Variants in GALNT13 observed in about 807,000 individuals in gnomAD.
The protein encoded by GALNT13 is polypeptide N-acetylgalactosaminyltransferase 13.
Under a neutral mutation model 64.2 loss-of-function variants are expected in GALNT13, and 28 were observed. The observed-to-expected ratio is 0.44, with a 90% CI of 0.32 to 0.60. The LOEUF (loss-of-function observed/expected upper bound fraction) is 0.60. Ranked by LOEUF, GALNT13 falls within the 20% of genes least tolerant of loss-of-function variation. The pLI is 0.05. For missense variants in GALNT13, 577 were observed against 669.8 expected, an observed-to-expected ratio of 0.86 and a Z score of 1.53; for synonymous variants, 214 against 224.6, an observed-to-expected ratio of 0.95 and a Z score of 0.42.
At chr2:153,966,522 C>T (rs554302845) in intron 3 of GALNT13, among the ~76,000 whole-genome samples, 267 of 151,964 alleles carry the variant, frequency 1.8e-3, no homozygotes, top group Non-Finnish European at 2.9e-3. Flanking sequence ...CCCGCCAAAA[C>T]GCCTGGCTAA....
chr2:154,413,296 T>C (rs1699872251), intron 11 of GALNT13, among the ~76,000 whole-genome samples: 2 of 152,002 alleles, frequency 1.3e-5, no homozygotes, highest in African/African-American at 2.4e-5. Context: ...GAAGTCCGAT[T>C]AGTCACCAAA....
intron 12 of GALNT13, chr2:154,445,849 G>C (rs1430615511): frequency 7.0e-6 from 9 of 1,287,982 alleles, no homozygotes; most frequent in Non-Finnish European, 9.1e-6. Context: ...CAAGATGTAG[G>C]TGGCCATAGT....
the GALNT13 span, among the ~76,000 whole-genome samples, chr2:153,675,733 G>A: frequency 2.1e-4 from 32 of 152,064 alleles, no homozygotes; most frequent in East Asian, 7.7e-4. Flanking sequence ...TTAAAATTAC[G>A]TGGAAATTAA....
At chr2:154,133,183 A>C (rs1682725298) in intron 3 of GALNT13, among the ~76,000 whole-genome samples, 1 of 152,152 alleles carries the variant, frequency 6.6e-6, no homozygotes, top group African/African-American at 2.4e-5. Flanking sequence ...TACAGCAAAT[A>C]GCTGACAATA....
chr2:153,726,283 GT>G, the GALNT13 span, among the ~76,000 whole-genome samples: 1 of 152,092 alleles, frequency 6.6e-6, no homozygotes, highest in Non-Finnish European at 1.5e-5. Flanking sequence ...TGACTGAAAT[GT>G]TAAGTCAACG....
At chr2:153,951,478 G>C (rs1409740949) in intron 3 of GALNT13, among the ~76,000 whole-genome samples, 1 of 152,114 alleles carries the variant, frequency 6.6e-6, no homozygotes, top group Non-Finnish European at 1.5e-5. Context: ...GGTGTAAGAG[G>C]AGTAGGTAAA....
At chr2:153,128,455 T>C in the GALNT13 span, among the ~76,000 whole-genome samples, 1 of 151,852 alleles carries the variant, frequency 6.6e-6, no homozygotes, top group Non-Finnish European at 1.5e-5. Context: ...CATGATTCAA[T>C]TATTTCCCAT....
chr2:154,139,349 AT>A (rs67860806), intron 3 of GALNT13, among the ~76,000 whole-genome samples: 7,645 of 151,506 alleles, frequency 0.05, 379 homozygotes, highest in African/African-American at 0.13. Flanking sequence ...TATAGTCCTT[AT>A]TTTTTTTCAG....
the GALNT13 span, among the ~76,000 whole-genome samples, chr2:153,684,829 A>G: frequency 2.6e-3 from 390 of 151,508 alleles, 1 homozygote; most frequent in Non-Finnish European, 4.2e-3. Flanking sequence ...AAAAGGCCCC[A>G]TTGTGTGTTG....
At chr2:153,678,175 A>ATATC in the GALNT13 span, among the ~76,000 whole-genome samples, 19 of 149,750 alleles carry the variant, frequency 1.3e-4, no homozygotes, top group Non-Finnish European at 2.2e-4. Context: ...ATATATATAT[A>ATATC]TCCAATATAT....
At chr2:153,803,128 C>T in the GALNT13 span, among the ~76,000 whole-genome samples, 2 of 152,170 alleles carry the variant, frequency 1.3e-5, no homozygotes, top group African/African-American at 4.8e-5. Flanking sequence ...CACTGGTAAG[C>T]TCAGTGTTCC....
At chr2:153,890,139 T>C (rs943335468) in intron 1 of GALNT13, among the ~76,000 whole-genome samples, 1 of 151,960 alleles carries the variant, frequency 6.6e-6, no homozygotes, top group Non-Finnish European at 1.5e-5. Context: ...AAGGATGTCT[T>C]TGTAACATAA....
the GALNT13 span, among the ~76,000 whole-genome samples, chr2:153,640,794 A>G: frequency 6.6e-6 from 1 of 152,134 alleles, no homozygotes. Flanking sequence ...AAAGTTTGTC[A>G]GGTGGGAAGT....
At chr2:153,635,837 G>A in the GALNT13 span, among the ~76,000 whole-genome samples, 15 of 152,080 alleles carry the variant, frequency 9.9e-5, no homozygotes, top group African/African-American at 3.6e-4. Flanking sequence ...TTTCTTTCTA[G>A]TATCATGTTT....
At chr2:154,066,517 C>T (rs946547189) in intron 3 of GALNT13, among the ~76,000 whole-genome samples, 2 of 151,902 alleles carry the variant, frequency 1.3e-5, no homozygotes, top group Non-Finnish European at 2.9e-5. Flanking sequence ...CAATGGAGTT[C>T]CAAGTCTGGC....
At chr2:153,537,544 C>G in the GALNT13 span, among the ~76,000 whole-genome samples, 1 of 152,108 alleles carries the variant, frequency 6.6e-6, no homozygotes, top group Admixed American at 6.5e-5. Context: ...CAAATTAAGG[C>G]CTCTGAAGCA....
chr2:153,888,974 A>G (rs957363479), intron 1 of GALNT13, among the ~76,000 whole-genome samples: 2 of 152,032 alleles, frequency 1.3e-5, no homozygotes, highest in Non-Finnish European at 2.9e-5. Flanking sequence ...TAAAATATTT[A>G]GCAATATGAT....
At chr2:154,245,215 C>T (rs957945350) in intron 6 of GALNT13, among the ~76,000 whole-genome samples, 1 of 152,094 alleles carries the variant, frequency 6.6e-6, no homozygotes, top group Non-Finnish European at 1.5e-5. Flanking sequence ...CATGTAAACT[C>T]TTAATTTGAG....
chr2:153,075,156 G>A, the GALNT13 span, among the ~76,000 whole-genome samples: 1 of 152,026 alleles, frequency 6.6e-6, no homozygotes, highest in African/African-American at 2.4e-5. Context: ...GACTAATATT[G>A]AACATTTTCT....
Sources: gnomAD v4.1 joint callset for allele counts (sites outside exome capture counted in the v4.1 genomes callset) on GRCh38, gnomAD v4.1.1 for gene constraint, MANE v1.5 for transcripts, NCBI Gene and HGNC (gene_info 2026-07-23, HGNC 2026-07-21) for gene names.